Variants in VPS13B observed in about 807,000 individuals in gnomAD.
The protein encoded by VPS13B is intermembrane lipid transfer protein VPS13B.
A neutral mutation model predicts 426.4 loss-of-function variants in VPS13B; 285 were observed. That is an observed-to-expected ratio of 0.67 (90% CI 0.61 to 0.74). The LOEUF (loss-of-function observed/expected upper bound fraction) is 0.74. Among genes scored for constraint, VPS13B ranks in the 30% least tolerant of loss-of-function variants. The pLI is 0.00. For missense variants in VPS13B, 4,537 were observed against 4,782.6 expected, an observed-to-expected ratio of 0.95 and a Z score of 1.51; for synonymous variants, 1,676 against 1,676.4, an observed-to-expected ratio of 1.00 and a Z score of 0.01.
intron 19 of VPS13B, among the ~76,000 whole-genome samples, chr8:99,281,583 C>T (rs1405822711): frequency 1.3e-5 from 2 of 152,190 alleles, no homozygotes; most frequent in African/African-American, 4.8e-5. Flanking sequence ...TGCACATCAT[C>T]ACCTCTGTGA....
In VPS13B at chr8:99,014,469, ATTAC is replaced by A. The variant is rs531558105; in HGVS notation, c.147+538_147+541del. The stretch of plus-strand genomic sequence containing the variant: ...CCCAGTTTTGGTATATTAGAATGGG[ATTAC>A]TTAAAGTTGCTTTGACAGAAAGACG... On this transcript the variant is annotated intron_variant, in intron 2 of 61. Coordinates refer to ENST00000357162, the MANE Select transcript of VPS13B (RefSeq NM_152564.5). Among the ~76,000 whole-genome samples the A allele has an allele frequency of 2.1e-4, 32 of 152,070 alleles. No individual in the cohort carries two copies. The East Asian group carries it at 6.2e-3, about 29-fold the overall frequency.
intron 30 of VPS13B, among the ~76,000 whole-genome samples, chr8:99,540,533 A>G (rs1823559370): frequency 6.6e-6 from 1 of 152,108 alleles, no homozygotes; most frequent in South Asian, 2.1e-4. Flanking sequence ...TTTATATTGA[A>G]TGCTTTTGCC....
intron 36 of VPS13B, among the ~76,000 whole-genome samples, chr8:99,703,537 A>G (rs1210007696): frequency 2.0e-5 from 3 of 152,156 alleles, no homozygotes; most frequent in Admixed American, 1.3e-4. Flanking sequence ...TAGAAATTAT[A>G]TCATATATTT....
chr8:99,133,537 C>G (rs1008732677), intron 8 of VPS13B, among the ~76,000 whole-genome samples: 6 of 152,174 alleles, frequency 3.9e-5, no homozygotes, highest in African/African-American at 1.4e-4. Flanking sequence ...TATGTTTTGG[C>G]CTGTCTTGGC....
At chr8:99,214,442 C>A (rs931384946) in intron 17 of VPS13B, among the ~76,000 whole-genome samples, 1 of 152,120 alleles carries the variant, frequency 6.6e-6, no homozygotes, top group East Asian at 1.9e-4. Flanking sequence ...AATTAACATA[C>A]TTATCAGATT....
At chr8:99,864,199 G>C (rs1262312635) in intron 58 of VPS13B, among the ~76,000 whole-genome samples, 1 of 152,194 alleles carries the variant, frequency 6.6e-6, no homozygotes, top group African/African-American at 2.4e-5. Context: ...AATGGTGTTT[G>C]AAATTGCCAC....
chr8:99,531,941 T>C (rs1822956926), intron 30 of VPS13B, among the ~76,000 whole-genome samples: 1 of 152,158 alleles, frequency 6.6e-6, no homozygotes, highest in South Asian at 2.1e-4. Flanking sequence ...TAACATAATT[T>C]ACCTCATACT....
intron 30 of VPS13B, among the ~76,000 whole-genome samples, chr8:99,555,582 G>A (rs1824516080): frequency 6.6e-6 from 1 of 151,902 alleles, no homozygotes; most frequent in Non-Finnish European, 1.5e-5. Flanking sequence ...AAACTTTTCT[G>A]AACCAACAAA....
At chr8:99,318,145 T>C (rs1809773422) in intron 19 of VPS13B, among the ~76,000 whole-genome samples, 1 of 152,316 alleles carries the variant, frequency 6.6e-6, no homozygotes, top group African/African-American at 2.4e-5. Flanking sequence ...AATTTTCCTA[T>C]TGGATGGGGT....
intron 19 of VPS13B, among the ~76,000 whole-genome samples, chr8:99,333,377 G>A (rs1044868599): frequency 2.0e-5 from 3 of 151,432 alleles, no homozygotes; most frequent in African/African-American, 7.3e-5. Flanking sequence ...AAAATAATAC[G>A]GAAGGATCCT....
At chr8:99,738,234 A>G (rs1833925516) in intron 39 of VPS13B, among the ~76,000 whole-genome samples, 2 of 152,246 alleles carry the variant, frequency 1.3e-5, no homozygotes, top group South Asian at 2.1e-4. Flanking sequence ...TTCAAAAATG[A>G]CTAATGATTT....
chr8:99,821,167 C>CACACACACACACACACACA (rs1588747148), intron 49 of VPS13B, 127 bp from the exon 50 acceptor site: 2 of 515,422 alleles, frequency 3.9e-6, no homozygotes, highest in African/African-American at 4.7e-5. Flanking sequence ...CACACACACA[C>CACACACACACACACACACA]CATGGAGGGA....
intron 31 of VPS13B, among the ~76,000 whole-genome samples, chr8:99,559,779 T>G (rs1348776787): frequency 1.3e-5 from 2 of 152,186 alleles, no homozygotes; most frequent in Non-Finnish European, 2.9e-5. Flanking sequence ...TCTGTTTTGG[T>G]ACCAGTACCA....
At chr8:99,254,480 C>T (rs79013399) in intron 17 of VPS13B, among the ~76,000 whole-genome samples, 9,606 of 151,378 alleles carry the variant, frequency 0.063, 398 homozygotes, top group African/African-American at 0.11. Flanking sequence ...CTTTTATTTT[C>T]AAAAGTTTAT....
intron 30 of VPS13B, among the ~76,000 whole-genome samples, chr8:99,553,403 T>C (rs894658009): frequency 1.3e-5 from 2 of 152,164 alleles, no homozygotes; most frequent in African/African-American, 2.4e-5. Flanking sequence ...ATCGTTTTCG[T>C]TGCAGTTCAT....
intron 19 of VPS13B, among the ~76,000 whole-genome samples, chr8:99,290,664 A>G (rs1357727117): frequency 1.3e-5 from 2 of 152,044 alleles, no homozygotes; most frequent in Non-Finnish European, 2.9e-5. Flanking sequence ...TAATAAAAAA[A>G]AAAAAGAAAA....
At chr8:99,842,452 TA>T (rs569624612) in intron 54 of VPS13B, among the ~76,000 whole-genome samples, 5,822 of 142,784 alleles carry the variant, frequency 0.041, 110 homozygotes, top group Non-Finnish European at 0.046. Flanking sequence ...CTACAGAAAT[TA>T]AAAAAAAAAA....
intron 21 of VPS13B, among the ~76,000 whole-genome samples, chr8:99,427,510 A>G (rs575409865): frequency 1.3e-5 from 2 of 152,016 alleles, no homozygotes; most frequent in Non-Finnish European, 2.9e-5. Context: ...ACAGAGAGTC[A>G]AATCCTGAAT....
At chr8:99,234,072 G>C (rs1052965601) in intron 17 of VPS13B, 3 of 778,682 alleles carry the variant, frequency 3.9e-6, no homozygotes, top group African/African-American at 3.4e-5. Context: ...CAGTCTGTCC[G>C]GCCTGAGAAG....
Sources: allele counts gnomAD v4.1 joint callset (sites outside exome capture counted in the v4.1 genomes callset), GRCh38; gene constraint gnomAD v4.1.1; transcripts MANE v1.5; gene names NCBI Gene and HGNC (gene_info 2026-07-23, HGNC 2026-07-21).